The following TRIO variants were observed in gnomAD, a reference collection of about 807,000 sequenced individuals.
TRIO encodes triple functional domain protein.
A neutral mutation model predicts 351.9 loss-of-function variants in TRIO; 58 were observed. The observed-to-expected ratio is 0.16, with a 90% CI of 0.13 to 0.21. The LOEUF is 0.21. Ranked by LOEUF, TRIO falls within the 10% of genes least tolerant of loss-of-function variation. The pLI, the probability that TRIO is intolerant of heterozygous loss-of-function variation, is 1.00. For missense variants in TRIO, 3,201 were observed against 4,027.8 expected, an observed-to-expected ratio of 0.79 and a Z score of 5.56; for synonymous variants, 1,758 against 1,595.7, an observed-to-expected ratio of 1.10 and a Z score of -2.42.
intron 1 of TRIO, among the ~76,000 whole-genome samples, chr5:14,192,862 A>C (rs1439609747): frequency 2.0e-5 from 3 of 152,256 alleles, no homozygotes; most frequent in African/African-American, 7.2e-5. Context: ...ATGATGATTT[A>C]CAAGTTGGAA....
At chr5:14,235,991 T>C (rs1793742276) in intron 1 of TRIO, among the ~76,000 whole-genome samples, 1 of 152,114 alleles carries the variant, frequency 6.6e-6, no homozygotes, top group Non-Finnish European at 1.5e-5. Flanking sequence ...TTTTCGATGA[T>C]ACATAAAACT....
intron 1 of TRIO, among the ~76,000 whole-genome samples, chr5:14,231,221 C>T (rs967345843): frequency 1.5e-4 from 23 of 152,176 alleles, no homozygotes; most frequent in Non-Finnish European, 1.8e-4. Context: ...TCCATTTTTC[C>T]GTCTTTAGGC....
chr5:14,477,030 T>G (rs1203121456), intron 41 of TRIO, 67 bp downstream of exon 41: 3 of 1,419,302 alleles, frequency 2.1e-6, no homozygotes, highest in Non-Finnish European at 3.0e-6. Flanking sequence ...GTTTGTCAGA[T>G]TAAAGGAGAA....
At chr5:14,409,768 G>C (rs1331862082) in intron 33 of TRIO, among the ~76,000 whole-genome samples, 2 of 148,834 alleles carry the variant, frequency 1.3e-5, no homozygotes, top group Admixed American at 6.7e-5. Flanking sequence ...CCGGGAGGCA[G>C]AGCTTGCAGT....
intron 20 of TRIO, 128 bp downstream of exon 20, chr5:14,378,255 C>T (rs1745743267): frequency 1.6e-6 from 1 of 628,352 alleles, no homozygotes; most frequent in African/African-American, 1.8e-5. Context: ...GTATAGCCTT[C>T]TAGTTAAGTT....
intron 9 of TRIO, among the ~76,000 whole-genome samples, chr5:14,322,511 A>G (rs1344484720): frequency 6.6e-6 from 1 of 152,254 alleles, no homozygotes; most frequent in East Asian, 1.9e-4. Context: ...AAAGCAACAC[A>G]TCCCAGGTCT....
Position 14,170,729 on chromosome 5 carries a change from C to T in TRIO, c.157+26847C>T, listed in dbSNP as rs1371830127. Among the ~76,000 whole-genome samples the T allele has an allele frequency of 2.0e-5, 3 of 152,252 alleles. No individual in the cohort carries two copies. The East Asian group carries it at 5.8e-4, about 29-fold the overall frequency. On this transcript the variant is annotated intron_variant, in intron 1 of 56. Coordinates refer to ENST00000344204, the MANE Select transcript of TRIO (RefSeq NM_007118.4). ...CCATGTTGGCCAGCGTGGTCTGGAA[C>T]TCCTGACTTCAGTGATCCTCTCGCC...
intron 34 of TRIO, among the ~76,000 whole-genome samples, chr5:14,438,493 A>G (rs1751770383): frequency 6.6e-6 from 1 of 152,094 alleles, no homozygotes; most frequent in South Asian, 2.1e-4. Flanking sequence ...TTCCCAGTTA[A>G]CCAAGTCACC....
At chr5:14,306,177 G>A (rs951243415) in intron 8 of TRIO, among the ~76,000 whole-genome samples, 3 of 152,122 alleles carry the variant, frequency 2.0e-5, no homozygotes, top group Non-Finnish European at 4.4e-5. Context: ...GTTGGTATTT[G>A]TTTGTTTCTT....
chr5:14,186,998 T>A (rs1790159863), intron 1 of TRIO, among the ~76,000 whole-genome samples: 1 of 152,206 alleles, frequency 6.6e-6, no homozygotes, highest in African/African-American at 2.4e-5. Context: ...TAGTAATATT[T>A]GTGCAAATTA....
intron 39 of TRIO, among the ~76,000 whole-genome samples, chr5:14,473,509 A>G (rs531205578): frequency 2.6e-5 from 4 of 152,356 alleles, no homozygotes; most frequent in Non-Finnish European, 5.9e-5. Flanking sequence ...AGAAATTTTA[A>G]GCCACATTTT....
At chr5:14,416,715 T>A (rs1391392409) in intron 33 of TRIO, among the ~76,000 whole-genome samples, 1 of 152,196 alleles carries the variant, frequency 6.6e-6, no homozygotes. Context: ...AGCTTAATCC[T>A]CCTTCTTCGG....
intron 1 of TRIO, among the ~76,000 whole-genome samples, chr5:14,212,944 G>A (rs539544267): frequency 3.3e-5 from 5 of 152,250 alleles, no homozygotes; most frequent in African/African-American, 9.6e-5. Context: ...AACACTGTAC[G>A]GTTAGTTAAG....
chr5:14,372,120 G>T (rs750096103), intron 18 of TRIO, among the ~76,000 whole-genome samples: 9 of 151,516 alleles, frequency 5.9e-5, no homozygotes, highest in Non-Finnish European at 1.2e-4. Flanking sequence ...TTCCAGATTG[G>T]TAATTACATC....
At chr5:14,395,825 CACG>C (rs1747512244) in intron 28 of TRIO, among the ~76,000 whole-genome samples, 1 of 152,148 alleles carries the variant, frequency 6.6e-6, no homozygotes. Context: ...GCAGGCGGAT[CACG>C]ACATCAGGAG....
At chr5:14,403,163 GT>G (rs1748263025) in intron 31 of TRIO, among the ~76,000 whole-genome samples, 2 of 108,484 alleles carry the variant, frequency 1.8e-5, no homozygotes, top group Non-Finnish European at 3.7e-5. Flanking sequence ...AGGGTTGTAG[GT>G]TGTGGTGAGG....
intron 1 of TRIO, among the ~76,000 whole-genome samples, chr5:14,186,776 C>T (rs1455880831): frequency 6.6e-6 from 1 of 152,046 alleles, no homozygotes; most frequent in Non-Finnish European, 1.5e-5. Flanking sequence ...TGAGGTTTCA[C>T]CATGTTGGCC....
At chr5:14,311,611 A>G (rs1045398233) in intron 8 of TRIO, among the ~76,000 whole-genome samples, 1 of 152,228 alleles carries the variant, frequency 6.6e-6, no homozygotes. Context: ...CTGTTGCTGC[A>G]GAATAAGCTG....
chr5:14,292,644 T>G (rs1737009306), intron 5 of TRIO, among the ~76,000 whole-genome samples: 1 of 152,258 alleles, frequency 6.6e-6, no homozygotes, highest in Non-Finnish European at 1.5e-5. Flanking sequence ...AATTTCACCC[T>G]AACGGGTCTT....
Sources: gnomAD v4.1 joint callset for allele counts (sites outside exome capture counted in the v4.1 genomes callset) on GRCh38, gnomAD v4.1.1 for gene constraint, MANE v1.5 for transcripts, NCBI Gene and HGNC (gene_info 2026-07-23, HGNC 2026-07-21) for gene names.